The following ZNF804B variants were observed in gnomAD, a reference collection of about 807,000 sequenced individuals.
ZNF804B encodes zinc finger protein 804B.
In ZNF804B, 80 loss-of-function variants were observed where a neutral mutation model predicts 101.4. The ratio of observed to expected loss-of-function variants is 0.79; its 90% CI spans 0.66 to 0.95. The LOEUF (loss-of-function observed/expected upper bound fraction) is 0.95. Among genes scored for constraint, ZNF804B ranks in the 40% least tolerant of loss-of-function variants. The probability of loss-of-function intolerance (pLI) is 0.00; values close to 1 mark genes in which losing one functional copy is unlikely to be tolerated. For missense variants in ZNF804B, 1,673 were observed against 1,561.9 expected (o/e 1.07, Z -1.20); for synonymous variants, 622 against 558.8 (o/e 1.11, Z -1.59).
At chr7:89,273,918 C>T (rs1245651945) in intron 2 of ZNF804B, among the ~76,000 whole-genome samples, 6 of 124,118 alleles carry the variant, frequency 4.8e-5, no homozygotes, top group African/African-American at 2.2e-4. Context: ...ACATTAATCT[C>T]AATAAGAGAT....
chr7:89,017,306 T>C (rs1788584151), intron 1 of ZNF804B, among the ~76,000 whole-genome samples: 1 of 152,198 alleles, frequency 6.6e-6, no homozygotes, highest in Non-Finnish European at 1.5e-5. Flanking sequence ...ACTTCCTCTT[T>C]TCCTAATTGA....
chr7:88,762,019 A>G (rs1387584579), intron 1 of ZNF804B, among the ~76,000 whole-genome samples: 1 of 151,918 alleles, frequency 6.6e-6, no homozygotes, highest in African/African-American at 2.4e-5. Flanking sequence ...GGTACTCCCC[A>G]CCCTCAGGGC....
At chr7:88,794,684 C>T (rs1459307113) in intron 1 of ZNF804B, 5 of 1,613,590 alleles carry the variant, frequency 3.1e-6, no homozygotes, top group Non-Finnish European at 4.2e-6. Context: ...AGCAGCAATC[C>T]TGTCACTGCT....
At chr7:88,955,493 A>G (rs542784433) in intron 1 of ZNF804B, among the ~76,000 whole-genome samples, 1 of 151,780 alleles carries the variant, frequency 6.6e-6, no homozygotes, top group South Asian at 2.1e-4. Flanking sequence ...CATATTCTTA[A>G]CTTTTCTGTA....
intron 1 of ZNF804B, among the ~76,000 whole-genome samples, chr7:88,851,927 A>C (rs1425775214): frequency 1.3e-5 from 2 of 152,122 alleles, no homozygotes; most frequent in Non-Finnish European, 2.9e-5. Flanking sequence ...GTGATATGAA[A>C]TACTTCAGAG....
At chr7:88,949,938 A>G (rs1176208249) in intron 1 of ZNF804B, among the ~76,000 whole-genome samples, 1 of 151,946 alleles carries the variant, frequency 6.6e-6, no homozygotes, top group African/African-American at 2.4e-5. Flanking sequence ...AGTACACACT[A>G]TCATGTTCAC....
At chr7:88,836,688 C>G (rs1466840069) in intron 1 of ZNF804B, among the ~76,000 whole-genome samples, 1 of 151,836 alleles carries the variant, frequency 6.6e-6, no homozygotes, top group Non-Finnish European at 1.5e-5. Flanking sequence ...TTGAGGGTCT[C>G]TATGCAGATT....
intron 1 of ZNF804B, among the ~76,000 whole-genome samples, chr7:89,094,938 T>C (rs1789949608): frequency 6.6e-6 from 1 of 152,196 alleles, no homozygotes; most frequent in Non-Finnish European, 1.5e-5. Flanking sequence ...ATGGTCTTCA[T>C]TTATTTTCAA....
intron 1 of ZNF804B, among the ~76,000 whole-genome samples, chr7:89,179,616 C>A (rs1770511524): frequency 6.6e-6 from 1 of 152,164 alleles, no homozygotes; most frequent in Non-Finnish European, 1.5e-5. Flanking sequence ...TCACATATTT[C>A]TGACACTCCA....
At chr7:89,176,078 G>T (rs1364302031) in intron 1 of ZNF804B, among the ~76,000 whole-genome samples, 5 of 151,880 alleles carry the variant, frequency 3.3e-5, no homozygotes, top group African/African-American at 1.2e-4. Flanking sequence ...CTCTAATTAG[G>T]ACTTCCAGTA....
At chr7:89,294,607 C>T (rs1229559300) in intron 2 of ZNF804B, among the ~76,000 whole-genome samples, 3 of 151,866 alleles carry the variant, frequency 2.0e-5, no homozygotes, top group Non-Finnish European at 2.9e-5. Flanking sequence ...CTCCTCAATG[C>T]TTCCCTTCTG....
chr7:89,089,005 A>G (rs747928022), intron 1 of ZNF804B, among the ~76,000 whole-genome samples: 1 of 148,454 alleles, frequency 6.7e-6, no homozygotes, highest in Non-Finnish European at 1.5e-5. Context: ...ATTTCTCTCC[A>G]TGTGCTCCTG....
At position 88,926,943 on chromosome 7, in the gene ZNF804B, C is replaced by CGGGG. The variant is rs371226583; in HGVS notation, c.108+166862_108+166865dup. Among the ~76,000 whole-genome samples, 62 of 144,436 alleles carry CGGGG rather than the reference C, an allele frequency of 4.3e-4. 1 individual carries two copies. The highest frequency in any genetic ancestry group is 6.9e-4 in the East Asian group (3 of 4,378). The allele number at this position is 144,436 out of a possible 152,430, so 94.8% of individuals were successfully genotyped here. On this transcript the variant is annotated intron_variant, in intron 1 of 3. Coordinates refer to ENST00000333190, the MANE Select transcript of ZNF804B (RefSeq NM_181646.5). The stretch of plus-strand genomic sequence containing the variant: ...TAGATGTCTGCCGGGTGGTGGGGAG[C>CGGGG]GGGGGGAAAGCTGTTCTGTAGTTTG...
intron 2 of ZNF804B, among the ~76,000 whole-genome samples, chr7:89,221,662 AAC>A (rs1789005130): frequency 6.6e-6 from 1 of 151,504 alleles, no homozygotes; most frequent in Non-Finnish European, 1.5e-5. Context: ...TTAGCTATCT[AAC>A]ATGTTGATAA....
chr7:88,939,355 T>A (rs1244022822), intron 1 of ZNF804B, among the ~76,000 whole-genome samples: 1 of 152,012 alleles, frequency 6.6e-6, no homozygotes, highest in Non-Finnish European at 1.5e-5. Context: ...GTTGTTGTAA[T>A]GTTAATATTT....
At chr7:89,257,753 C>T (rs1317153829) in intron 2 of ZNF804B, among the ~76,000 whole-genome samples, 1 of 152,124 alleles carries the variant, frequency 6.6e-6, no homozygotes, top group Non-Finnish European at 1.5e-5. Context: ...TTGTTTTATT[C>T]TCACCTTCCT....
intron 1 of ZNF804B, among the ~76,000 whole-genome samples, chr7:88,871,023 A>C (rs1791815156): frequency 6.6e-6 from 1 of 152,202 alleles, no homozygotes; most frequent in Non-Finnish European, 1.5e-5. Context: ...TCTAGATTTC[A>C]AAAAATTTTT....
At chr7:89,085,835 T>C (rs1334979785) in intron 1 of ZNF804B, among the ~76,000 whole-genome samples, 2 of 152,026 alleles carry the variant, frequency 1.3e-5, no homozygotes, top group Non-Finnish European at 1.5e-5. Context: ...ATTGCCCTCC[T>C]GTTGGTTATT....
intron 1 of ZNF804B, among the ~76,000 whole-genome samples, chr7:88,980,103 A>T (rs1449931416): frequency 6.6e-6 from 1 of 151,804 alleles, no homozygotes; most frequent in South Asian, 2.1e-4. Context: ...TTTAGGGTAC[A>T]TGTGCACAAT....
Sources: gnomAD v4.1 joint callset for allele counts (sites outside exome capture counted in the v4.1 genomes callset) on GRCh38, gnomAD v4.1.1 for gene constraint, MANE v1.5 for transcripts, NCBI Gene and HGNC (gene_info 2026-07-23, HGNC 2026-07-21) for gene names.